The following PHF3 variants were observed in gnomAD, a reference collection of about 807,000 sequenced individuals.
PHF3 encodes PHD finger protein 3.
PHF3 carries 41 observed loss-of-function variants against 178.4 expected under a neutral mutation model. The observed-to-expected ratio is 0.23, with a 90% CI of 0.18 to 0.30. The LOEUF is 0.30. PHF3 is among the 10% of genes least tolerant of loss of function. The pLI, the probability that PHF3 is intolerant of heterozygous loss-of-function variation, is 1.00. For missense variants in PHF3, 2,346 were observed against 2,398.1 expected, an observed-to-expected ratio of 0.98 and a Z score of 0.45; for synonymous variants, 842 against 800.5, an observed-to-expected ratio of 1.05 and a Z score of -0.88.
Position 63,684,229 on chromosome 6 carries a change from T to C in PHF3, c.507T>C (p.Ala169=). The C allele has an allele frequency of 6.2e-7, 1 of 1,613,976 alleles. No individual in the cohort carries two copies. Among genetic ancestry groups the C allele is most frequent in the Non-Finnish European group, 8.5e-7 (1 of 1,179,886 alleles). ...KKASGKTVST[A]KAGVKQPERS... ...CATCTGGGAAGACTGTATCTACTGC[T>C]AAAGCAGGAGTGAAACAACCAGAAA... The change falls in exon 4 of 16, where the codon GCT becomes GCC. Residue 169 remains alanine, a synonymous_variant. Transcript: ENST00000262043.
rs777582301 is a variant in PHF3 at position 63,721,585 on chromosome 6, C to G, written c.*7877C>G. 4.5e-6 allele frequency: 7 copies of G among 1,551,500 alleles called. No individual in the cohort carries two copies. The South Asian group carries it at 7.1e-5, about 16-fold the overall frequency. The stretch of plus-strand genomic sequence containing the variant: ...CCAATATAGAAGTCTGTATTTGTGT[C>G]CAGAGAACTCATTTTAGTGGAGGCC... On this transcript the variant is annotated 3_prime_UTR_variant, in exon 16 of 16. Transcript: ENST00000262043.
At position 63,711,748 on chromosome 6, in the gene PHF3, C is replaced by G. The variant is rs781615561; in HGVS notation, c.4160C>G (p.Ser1387Cys). 4 of 1,613,576 alleles carry G rather than the reference C, an allele frequency of 2.5e-6. No individual in the cohort carries two copies. In the South Asian group the frequency reaches 4.4e-5, roughly 18 times the overall value. The change falls in exon 16 of 16, where the codon TCT becomes TGT. Residue 1387 changes from serine (S) to cysteine (C), a missense_variant. By Grantham distance (112) the Ser-to-Cys change is moderately radical (BLOSUM62 -1). Transcript: ENST00000262043. ...PPDKKSKIEV[S>C]TEEAPEEEND... ...GATAAAAAAAGTAAAATAGAAGTTT[C>G]TACAGAAGAAGCACCAGAGGAAGAA... is the stretch of plus-strand genomic sequence containing the variant.
At chr6:63,636,216 A>C in intron 1 of PHF3, 66 bp downstream of exon 1, 1 of 335,372 alleles carries the variant, frequency 3.0e-6, no homozygotes. Flanking sequence ...CCCCTTCCAC[A>C]CGCACAGCGC....
At chr6:63,686,116 AAG>A (rs1161953202) in intron 4 of PHF3, 2 of 515,372 alleles carry the variant, frequency 3.9e-6, no homozygotes, top group Non-Finnish European at 6.8e-6. Context: ...ACATTTAAAA[AAG>A]CATAGTCTGG....
chr6:63,643,308 T>A (rs1332282630), intron 1 of PHF3, among the ~76,000 whole-genome samples: 1 of 152,238 alleles, frequency 6.6e-6, no homozygotes, highest in Non-Finnish European at 1.5e-5. Context: ...TTTTTAAAAA[T>A]GAATTATACC....
intron 2 of PHF3, among the ~76,000 whole-genome samples, chr6:63,659,950 C>T (rs1253457892): frequency 6.6e-6 from 1 of 152,066 alleles, no homozygotes; most frequent in African/African-American, 2.4e-5. Context: ...CCTTCAAGTA[C>T]ATAAGTTCTG....
intron 1 of PHF3, among the ~76,000 whole-genome samples, chr6:63,644,421 G>A (rs1189938386): frequency 6.6e-6 from 1 of 151,988 alleles, no homozygotes; most frequent in Non-Finnish European, 1.5e-5. Flanking sequence ...AACATATTGG[G>A]CGTAAGTATT....
rs1470189284 is a variant in PHF3, at chr6:63,716,716, C to G, written c.*3008C>G. Among the ~76,000 whole-genome samples the G allele has an allele frequency of 6.6e-6, 1 of 151,862 alleles. No homozygotes were observed. The highest frequency in any genetic ancestry group is 2.4e-5 in the African/African-American group (1 of 41,360). On this transcript the variant is annotated 3_prime_UTR_variant, in exon 16 of 16. Coordinates refer to ENST00000262043, the MANE Select transcript of PHF3 (RefSeq NM_001370348.2). ...TGGTTTCTAGCTTCTAGAGGGCACC[C>G]AATTTCCTTGGCTCATGATCCCTTC...
intron 6 of PHF3, 24 bp downstream of exon 6, chr6:63,694,788 TATATACTA>T (rs767486938): frequency 4.0e-6 from 5 of 1,237,968 alleles, no homozygotes; most frequent in Middle Eastern, 2.3e-4. Context: ...CAGAAAAAAT[TATATACTA>T]ATATATTTAT....
Position 63,684,552 on chromosome 6 carries a change from A to G in PHF3, c.830A>G (p.Lys277Arg), listed in dbSNP as rs759837805. The change falls in exon 4 of 16, where the codon AAA becomes AGA. Residue 277 changes from lysine to arginine, a missense_variant. Physicochemically the swap from Lys to Arg is conservative, Grantham distance 26. Coordinates refer to ENST00000262043, the MANE Select transcript of PHF3 (RefSeq NM_001370348.2). The part of the protein sequence containing the change: ...EKKNEALMEC[K>R]AKPVGSPLFK... ...AAAAATGAAGCTTTGATGGAATGTA[A>G]AGCCAAGCCTGTTGGTAGTCCATTG... is the stretch of plus-strand genomic sequence containing the variant. 1.9e-6 allele frequency: 3 copies of G among 1,613,832 alleles called. No homozygotes were observed. Among genetic ancestry groups the G allele is most frequent in the Non-Finnish European group, 2.5e-6 (3 of 1,179,898 alleles).
In PHF3 at chr6:63,713,802, CTT is replaced by C; in HGVS notation, c.*96_*97del. ...AGATTGCCTGCTAGGATTGTGCCAT[CTT>C]TAAAATTTTTACTATTGGTCATTTG... On this transcript the variant is annotated 3_prime_UTR_variant, in exon 16 of 16. Transcript: ENST00000262043. 1 of 1,128,500 alleles carries C rather than the reference CTT, an allele frequency of 8.9e-7. No individual in the cohort carries two copies. Among genetic ancestry groups the C allele is most frequent in the Non-Finnish European group, 1.2e-6 (1 of 812,046 alleles). The allele number at this position is 1,128,500 out of a possible 1,614,324, so 69.9% of individuals were successfully genotyped here.
intron 4 of PHF3, among the ~76,000 whole-genome samples, chr6:63,689,255 A>C: frequency 6.6e-6 from 1 of 152,246 alleles, no homozygotes; most frequent in South Asian, 2.1e-4. Flanking sequence ...AGGAAGTCTT[A>C]GTTTTTTCAT....
intron 12 of PHF3, among the ~76,000 whole-genome samples, 165 bp from the exon 13 acceptor site, chr6:63,706,564 C>T (rs541532688): frequency 6.6e-6 from 1 of 152,248 alleles, no homozygotes; most frequent in East Asian, 1.9e-4. Flanking sequence ...TAAAACATTA[C>T]TATGTAAATA....
chr6:63,692,061 G>A lies in PHF3; in HGVS notation c.2496+18G>A, dbSNP rs1767030284. The A allele has an allele frequency of 6.4e-7, 1 of 1,551,028 alleles. No homozygotes were observed. Among genetic ancestry groups the A allele is most frequent in the African/African-American group, 1.4e-5 (1 of 72,446 alleles). On this transcript the variant is annotated intron_variant, in intron 5 of 15. Transcript: ENST00000262043. The stretch of plus-strand genomic sequence containing the variant: ...TAAAACGGGTGAGCTCTTCATTAAT[G>A]CATTATTTTGTTTATTTAAGAGCTT...
rs536300111 is a variant in PHF3, at chr6:63,712,326, T to G, written c.4738T>G (p.Ser1580Ala). ...EAFLTNLSIQ[S>A]KQEETVESKE... ...ATTTTTAACAAATTTATCAATTCAG[T>G]CAAAACAAGAGGAAACTGTGGAGAG... is the stretch of plus-strand genomic sequence containing the variant. The change falls in exon 16 of 16, where the codon TCA (serine) becomes GCA (alanine). Residue 1580 changes from serine to alanine, a missense_variant. Ser to Ala is a moderately conservative substitution (Grantham distance 99, BLOSUM62 1). This residue lies in a region of PHF3 where 839 missense variants were observed against 806.9 expected (regional missense o/e 1.04). Transcript: ENST00000262043. 2.5e-6 allele frequency: 4 copies of G among 1,612,804 alleles called. No homozygotes were observed. Among genetic ancestry groups the G allele is most frequent in the Non-Finnish European group, 8.5e-7 (1 of 1,179,724 alleles).
chr6:63,646,954 C>G (rs866420003), intron 2 of PHF3, among the ~76,000 whole-genome samples, 159 bp downstream of exon 2: 1 of 146,584 alleles, frequency 6.8e-6, no homozygotes, highest in African/African-American at 2.5e-5. Flanking sequence ...GCTTCTTTTC[C>G]AGGCATCAGA....
rs1428560193 is a variant in PHF3, at chr6:63,698,373, A to C, written c.2825+6A>C. On this transcript the variant is annotated splice_donor_region_variant and intron_variant, in intron 7 of 15. Coordinates refer to ENST00000262043, the MANE Select transcript of PHF3 (RefSeq NM_001370348.2). ...AAAGACATTCTTATGAAGAGGTAAC[A>C]TATATTTTTATTATAGAAGTATCAA... 1.5e-5 allele frequency: 24 copies of C among 1,597,510 alleles called. No individual in the cohort carries two copies. The highest frequency in any genetic ancestry group is 1.9e-5 in the Non-Finnish European group (22 of 1,170,654).
intron 6 of PHF3, among the ~76,000 whole-genome samples, chr6:63,695,499 A>G (rs1767195114): frequency 6.6e-6 from 1 of 152,208 alleles, no homozygotes. Flanking sequence ...TTAGAACAAG[A>G]GTAGCAGGTA....
chr6:63,712,481 T>C lies in PHF3; in HGVS notation c.4893T>C (p.Cys1631=), dbSNP rs750407696. 1.2e-6 allele frequency: 2 copies of C among 1,613,992 alleles called. No individual in the cohort carries two copies. Among genetic ancestry groups the C allele is most frequent in the Admixed American group, 1.7e-5 (1 of 59,988 alleles). The part of the protein sequence containing the change: ...GKGNIDGNVS[C]SENLVANTAR... ...GAAACATAGATGGTAATGTGAGCTGTAGTGAAAACCTTGTTGCTAATACAG... is the reference window on the plus strand; with the variant it reads ...GAAACATAGATGGTAATGTGAGCTGCAGTGAAAACCTTGTTGCTAATACAG... The change falls in exon 16 of 16, where the codon TGT becomes TGC. Residue 1631 remains cysteine, a synonymous_variant. Transcript: ENST00000262043.
Sources: allele counts gnomAD v4.1 joint callset (sites outside exome capture counted in the v4.1 genomes callset), GRCh38; gene constraint gnomAD v4.1.1; regional missense constraint gnomAD v4.1.1; transcripts MANE v1.5; gene names NCBI Gene and HGNC (gene_info 2026-07-23, HGNC 2026-07-21).